Variants in PCDHGB4 observed in about 807,000 individuals in gnomAD.
PCDHGB4 encodes protocadherin gamma subfamily B, 4.
In PCDHGB4, 38 loss-of-function variants were observed where a neutral mutation model predicts 60.5. That is an observed-to-expected ratio of 0.63 (90% CI 0.48 to 0.82). The LOEUF is 0.82. Among genes scored for constraint, PCDHGB4 ranks in the 40% least tolerant of loss-of-function variants. PCDHGB4 has a pLI of 0.00. For missense variants in PCDHGB4, 1,109 were observed against 1,209.6 expected, an observed-to-expected ratio of 0.92 and a Z score of 1.23; for synonymous variants, 456 against 509.7, an observed-to-expected ratio of 0.89 and a Z score of 1.42.
intron 2 of PCDHGB4, among the ~76,000 whole-genome samples, chr5:141,503,100 G>A (rs563699751): frequency 6.6e-6 from 1 of 151,592 alleles, no homozygotes; most frequent in South Asian, 2.1e-4. Context: ...TGGTCTGCCC[G>A]CCCCTGCCTC....
chr5:141,395,074 C>G, intron 1 of PCDHGB4: 1 of 1,614,166 alleles, frequency 6.2e-7, no homozygotes, highest in East Asian at 2.2e-5. Flanking sequence ...CAGACCTATT[C>G]CCAGGAAGTC....
At chr5:141,449,000 T>G (rs1424736421) in intron 1 of PCDHGB4, among the ~76,000 whole-genome samples, 1 of 151,774 alleles carries the variant, frequency 6.6e-6, no homozygotes, top group African/African-American at 2.4e-5. Context: ...TAGAAAGCTG[T>G]TTTTTTTAAC....
chr5:141,394,228 T>C lies in PCDHGB4; in HGVS notation c.2397+3947T>C, dbSNP rs1236057008. On this transcript the variant is annotated intron_variant, in intron 1 of 3. Transcript: ENST00000519479. ...AACAACCTGAGAGGAGCCTCCATCT[T>C]TTCCTTGACTGCACACGACCCCGAC... is the stretch of plus-strand genomic sequence containing the variant. 3.7e-6 allele frequency: 6 copies of C among 1,613,886 alleles called. No individual in the cohort carries two copies. The South Asian group carries it at 4.4e-5, about 12-fold the overall frequency.
intron 1 of PCDHGB4, chr5:141,392,964 G>C (rs772870041): frequency 1.4e-5 from 23 of 1,613,902 alleles, no homozygotes; most frequent in Non-Finnish European, 1.9e-5. Flanking sequence ...TATCTCCAAG[G>C]ACCTGGGGCT....
rs976135607 is a variant in PCDHGB4 at position 141,489,115 on chromosome 5, C to A, written c.2398-5692C>A. ...CTAAGAACTGCTGCAAGCAGGCAAA[C>A]CTCCGAGCAGTTTTTAAGAGGCTGG... On this transcript the variant is annotated intron_variant, in intron 1 of 3. Coordinates refer to ENST00000519479, the MANE Select transcript of PCDHGB4 (RefSeq NM_003736.4). This position sits in a 1 kb window ranked among gnomAD's most constrained non-coding sequence, Gnocchi z 4.5. 7.3e-5 allele frequency: 37 copies of A among 506,794 alleles called. No homozygotes were observed. Among genetic ancestry groups the A allele is most frequent in the Non-Finnish European group, 1.2e-4 (35 of 298,604 alleles). 31.4% of individuals were successfully genotyped at this position (506,794 alleles called of 1,614,324 possible).
intron 1 of PCDHGB4, among the ~76,000 whole-genome samples, chr5:141,407,092 T>C (rs917246877): frequency 1.3e-5 from 2 of 152,360 alleles, no homozygotes; most frequent in Admixed American, 6.5e-5. Context: ...AGAATTGTTT[T>C]ATTTGTTTGT....
intron 1 of PCDHGB4, chr5:141,414,350 C>T (rs1450829111): frequency 1.9e-6 from 3 of 1,613,726 alleles, no homozygotes; most frequent in Admixed American, 1.7e-5. Flanking sequence ...TCCATTTTGG[C>T]GTATCTACCA....
At chr5:141,419,547 T>C (rs2096397603) in intron 1 of PCDHGB4, 6 of 1,612,070 alleles carry the variant, frequency 3.7e-6, no homozygotes, top group Non-Finnish European at 5.1e-6. Context: ...CCGCGGGTGC[T>C]GTACCCTGCG....
chr5:141,412,131 G>A (rs2095537626), intron 1 of PCDHGB4: 1 of 152,156 alleles, frequency 6.6e-6, no homozygotes, highest in Non-Finnish European at 1.5e-5. Flanking sequence ...CTGGACTTTG[G>A]CCTCTGATAC....
intron 1 of PCDHGB4, among the ~76,000 whole-genome samples, chr5:141,425,402 A>C (rs1288785443): frequency 6.6e-6 from 1 of 152,222 alleles, no homozygotes; most frequent in Non-Finnish European, 1.5e-5. Flanking sequence ...AAGTTCTGTT[A>C]AGGTATAACA....
chr5:141,481,502 T>G (rs1425241526), intron 1 of PCDHGB4, among the ~76,000 whole-genome samples: 1 of 152,232 alleles, frequency 6.6e-6, no homozygotes, highest in Non-Finnish European at 1.5e-5. Context: ...TTGCATGGTA[T>G]GTGAATTATG....
chr5:141,472,980 C>CAAAAAAAAAAAAAAAAAAAAAAA (rs60579131), intron 1 of PCDHGB4, among the ~76,000 whole-genome samples: 6 of 86,066 alleles, frequency 7.0e-5, no homozygotes, highest in Non-Finnish European at 1.0e-4. Context: ...GAGTGAAACT[C>CAAAAAAAAAAAAAAAAAAAAAAA]AAAAAAAAAA....
At position 141,413,851 on chromosome 5, in the gene PCDHGB4, C is replaced by T. The variant is rs766108205; in HGVS notation, c.2397+23570C>T. The T allele has an allele frequency of 1.5e-5, 25 of 1,613,340 alleles. No homozygotes were observed. In the East Asian group the frequency reaches 2.7e-4, roughly 17 times the overall value. ...CGCCTCCGACGGGGGTGACCCTCTC[C>T]GATCTGGCACTGTCCTTGTCAGTGT... On this transcript the variant is annotated intron_variant, in intron 1 of 3. Coordinates refer to ENST00000519479, the MANE Select transcript of PCDHGB4 (RefSeq NM_003736.4).
At chr5:141,443,977 AT>A (rs1443967001) in intron 1 of PCDHGB4, among the ~76,000 whole-genome samples, 1 of 152,020 alleles carries the variant, frequency 6.6e-6, no homozygotes, top group African/African-American at 2.4e-5. Context: ...CATCTAAGCT[AT>A]GTTAATTTTA....
chr5:141,479,342 G>A (rs926832955), intron 1 of PCDHGB4: 1 of 152,486 alleles, frequency 6.6e-6, no homozygotes, highest in Admixed American at 6.5e-5. Flanking sequence ...TGCACCTGTA[G>A]TTCTTGCTGC....
rs1161697588 is a variant in PCDHGB4, at chr5:141,491,464, T to C, written c.2398-3343T>C. 7 of 1,613,982 alleles carry C rather than the reference T, an allele frequency of 4.3e-6. No homozygotes were observed. In the African/African-American group the frequency reaches 9.3e-5, roughly 22 times the overall value. On this transcript the variant is annotated intron_variant, in intron 1 of 3. Transcript: ENST00000519479. This position sits in a 1 kb window ranked among gnomAD's most constrained non-coding sequence, Gnocchi z 6.9. ...CCAGGACTCACCCTCCCCGGACTTCTATAAGCAGTCCAGCCCCAACCTGCA... is the reference window on the plus strand; with the variant it reads ...CCAGGACTCACCCTCCCCGGACTTCCATAAGCAGTCCAGCCCCAACCTGCA...
At chr5:141,505,567 T>A in intron 3 of PCDHGB4, 86 bp downstream of exon 3, 2 of 1,599,440 alleles carry the variant, frequency 1.3e-6, no homozygotes, top group Non-Finnish European at 1.7e-6. Context: ...ACGGACTGGA[T>A]GTCAAACCTG....
intron 1 of PCDHGB4, among the ~76,000 whole-genome samples, chr5:141,484,796 C>A (rs987893041): frequency 1.3e-5 from 2 of 151,304 alleles, no homozygotes; most frequent in African/African-American, 4.9e-5. Flanking sequence ...GATAACAACC[C>A]GTGGAAAAAC....
At chr5:141,408,901 G>T (rs529239605) in intron 1 of PCDHGB4, 2 of 1,613,100 alleles carry the variant, frequency 1.2e-6, no homozygotes, top group African/African-American at 2.7e-5. Flanking sequence ...TTTCTGTCAA[G>T]GATACCAATG....
Sources: allele counts gnomAD v4.1 joint callset (sites outside exome capture counted in the v4.1 genomes callset), GRCh38; gene constraint gnomAD v4.1.1; non-coding constraint Gnocchi (gnomAD v3.1); transcripts MANE v1.5; gene names NCBI Gene and HGNC (gene_info 2026-07-23, HGNC 2026-07-21).